The following MME variants were observed in gnomAD, a reference collection of about 807,000 sequenced individuals.
MME encodes neprilysin.
Under a neutral mutation model 113.2 loss-of-function variants are expected in MME, and 98 were observed. The observed-to-expected ratio is 0.87, with a 90% CI of 0.74 to 1.02. The LOEUF (loss-of-function observed/expected upper bound fraction) is 1.02, where lower values mean the gene tolerates loss of function less well. MME is among the 50% of genes least tolerant of loss of function. The pLI is 0.00. For synonymous variants in MME, 292 were observed against 300.6 expected (o/e 0.97, Z 0.30); for missense variants, 836 against 896.0 (o/e 0.93, Z 0.86).
At position 155,118,781 on chromosome 3, in the gene MME, T is replaced by G; in HGVS notation, c.690T>G (p.Asp230Glu). 6.2e-7 allele frequency: 1 copy of G among 1,603,042 alleles called. No individual in the cohort carries two copies. Among genetic ancestry groups the G allele is most frequent in the Non-Finnish European group, 8.5e-7 (1 of 1,171,530 alleles). The change falls in exon 8 of 23, where the codon GAT becomes GAG. Residue 230 changes from aspartate (D) to glutamate (E), a missense_variant. Coordinates refer to ENST00000360490, the MANE Select transcript of MME (RefSeq NM_007289.4). ...CTCGACTTGGCCTCCCTTCTAGAGATTACTATGAATGCACTGGAATCTATA... is the reference window on the plus strand; with the variant it reads ...CTCGACTTGGCCTCCCTTCTAGAGAGTACTATGAATGCACTGGAATCTATA... ...DQPRLGLPSR[D>E]YYECTGIYKE...
intron 22 of MME, among the ~76,000 whole-genome samples, chr3:155,176,820 T>G (rs1469110658): frequency 1.3e-5 from 2 of 152,088 alleles, no homozygotes; most frequent in African/African-American, 4.8e-5. Flanking sequence ...AGCGAGACCC[T>G]GTCTCAGAAA....
intron 8 of MME, among the ~76,000 whole-genome samples, chr3:155,125,370 C>G (rs1358551988): frequency 1.3e-5 from 2 of 148,514 alleles, no homozygotes; most frequent in East Asian, 2.0e-4. Flanking sequence ...GCGGAAATCA[C>G]CCATCTTCTG....
chr3:155,084,413 T>A lies in MME; in HGVS notation c.160+86T>A, dbSNP rs75422171. 551 of 1,395,128 alleles carry A rather than the reference T, an allele frequency of 3.9e-4. 2 individuals carry two copies. The African/African-American group carries it at 5.5e-3, about 14-fold the overall frequency. The allele number at this position is 1,395,128 out of a possible 1,614,324, so 86.4% of individuals were successfully genotyped here. On this transcript the variant is annotated intron_variant, in intron 2 of 22. Coordinates refer to ENST00000360490, the MANE Select transcript of MME (RefSeq NM_007289.4). ...GCTTTTACCATCTATCCAACGAATG[T>A]GTTAAGGATAGAGGCACTTAAAGAC...
At chr3:155,171,489 A>G (rs1711967097) in intron 20 of MME, among the ~76,000 whole-genome samples, 1 of 152,188 alleles carries the variant, frequency 6.6e-6, no homozygotes, top group Admixed American at 6.5e-5. Context: ...TTTTTTCAGT[A>G]GCATAAATCT....
At position 155,138,144 on chromosome 3, in the gene MME, T is replaced by C. The variant is rs141811699; in HGVS notation, c.763T>C (p.Leu255=). Residue 255 remains leucine, a synonymous_variant, in exon 9 of 23, where the codon TTG becomes CTG. Coordinates refer to ENST00000360490, the MANE Select transcript of MME (RefSeq NM_007289.4). ...GGATTTTATGATTTCTGTGGCCAGATTGATTCGTCAGGAAGAAAGATTGCC... is the reference window on the plus strand; with the variant it reads ...GGATTTTATGATTTCTGTGGCCAGACTGATTCGTCAGGAAGAAAGATTGCC... ...YVDFMISVAR[L]IRQEERLPID... is the part of the protein sequence containing the mutation. The C allele has an allele frequency of 5.6e-6, 9 of 1,613,720 alleles. No homozygotes were observed. The African/African-American group carries it at 6.7e-5, about 12-fold the overall frequency.
chr3:155,145,545 C>T (rs1245988359), intron 14 of MME, among the ~76,000 whole-genome samples: 1 of 152,104 alleles, frequency 6.6e-6, no homozygotes, highest in African/African-American at 2.4e-5. Flanking sequence ...ATTATATCCT[C>T]AGCCCTTTAT....
At chr3:155,038,242 G>A (rs1713191120) in intron 1 of MME, among the ~76,000 whole-genome samples, 1 of 152,228 alleles carries the variant, frequency 6.6e-6, no homozygotes, top group South Asian at 2.1e-4. Flanking sequence ...CAAGGTTTTG[G>A]ACAAACATAT....
chr3:155,036,291 T>TA (rs1193093504), intron 1 of MME, among the ~76,000 whole-genome samples: 2 of 152,218 alleles, frequency 1.3e-5, no homozygotes, highest in African/African-American at 4.8e-5. Flanking sequence ...TCACAATCAA[T>TA]AAAATACACC....
At chr3:155,072,154 C>A (rs918711836) in intron 1 of MME, among the ~76,000 whole-genome samples, 33 of 117,670 alleles carry the variant, frequency 2.8e-4, no homozygotes, top group African/African-American at 9.9e-4. Flanking sequence ...GGCGACAGAG[C>A]GAGACTCCGT....
rs61762320 is a variant in MME, at chr3:155,084,263, G to T, written c.96G>T (p.Ser32=). The T allele has an allele frequency of 1.2e-6, 2 of 1,614,102 alleles. No individual in the cohort carries two copies. The highest frequency in any genetic ancestry group is 3.3e-5 in the Admixed American group (2 of 60,016). ...QRWTPLEISL[S]VLVLLLTIIA... ...GGACTCCACTGGAGATCAGCCTCTCGGTCCTTGTCCTGCTCCTCACCATCA... is the reference window on the plus strand; with the variant it reads ...GGACTCCACTGGAGATCAGCCTCTCTGTCCTTGTCCTGCTCCTCACCATCA... Residue 32 remains serine, a synonymous_variant, in exon 2 of 23, where the codon TCG becomes TCT. Coordinates refer to ENST00000360490, the MANE Select transcript of MME (RefSeq NM_007289.4).
At chr3:155,040,633 G>A (rs1411832833) in intron 1 of MME, among the ~76,000 whole-genome samples, 3 of 151,948 alleles carry the variant, frequency 2.0e-5, no homozygotes, top group Non-Finnish European at 4.4e-5. Context: ...TACAGTAGAT[G>A]TAATAAATGT....
intron 16 of MME, among the ~76,000 whole-genome samples, chr3:155,157,521 G>T (rs1417349750): frequency 6.6e-6 from 1 of 152,124 alleles, no homozygotes; most frequent in Non-Finnish European, 1.5e-5. Context: ...CCAACCAAAA[G>T]AACTTACAGT....
At chr3:155,169,857 G>A (rs1436460814) in intron 20 of MME, among the ~76,000 whole-genome samples, 1 of 152,150 alleles carries the variant, frequency 6.6e-6, no homozygotes, top group Non-Finnish European at 1.5e-5. Flanking sequence ...CACCAGAGAA[G>A]TGGAGAAAGA....
At chr3:155,127,071 C>T (rs1719737786) in intron 8 of MME, among the ~76,000 whole-genome samples, 2 of 151,632 alleles carry the variant, frequency 1.3e-5, no homozygotes, top group African/African-American at 4.8e-5. Flanking sequence ...GAACAGTCCT[C>T]ATCAACATGA....
At chr3:155,073,909 C>T (rs1714661753) in intron 1 of MME, among the ~76,000 whole-genome samples, 1 of 152,066 alleles carries the variant, frequency 6.6e-6, no homozygotes. Flanking sequence ...AATCATATTA[C>T]TGTCTTATAA....
upstream of MME, among the ~76,000 whole-genome samples, chr3:155,077,317 C>G (rs574419455): frequency 2.0e-5 from 3 of 152,296 alleles, no homozygotes; most frequent in East Asian, 5.8e-4. Flanking sequence ...AGAACCAATG[C>G]ATTCCATTCT....
chr3:155,116,607 T>C (rs1391148192), intron 5 of MME, 48 bp downstream of exon 5: 4 of 1,443,034 alleles, frequency 2.8e-6, no homozygotes, highest in African/African-American at 1.4e-5. Flanking sequence ...TATATATATA[T>C]TGGTGCCAAA....
At chr3:155,081,722 G>A (rs1715169075) in intron 1 of MME, 1 of 151,542 alleles carries the variant, frequency 6.6e-6, no homozygotes, top group Non-Finnish European at 1.5e-5. Context: ...TTAGTCATAT[G>A]TTCCACAGTG....
intron 16 of MME, among the ~76,000 whole-genome samples, chr3:155,151,518 C>T (rs1330129413): frequency 6.6e-6 from 1 of 152,166 alleles, no homozygotes; most frequent in Admixed American, 6.5e-5. Flanking sequence ...TTGTATTTGA[C>T]TCAGATCCAT....
Sources: gnomAD v4.1 joint callset for allele counts (sites outside exome capture counted in the v4.1 genomes callset) on GRCh38, gnomAD v4.1.1 for gene constraint, MANE v1.5 for transcripts, NCBI Gene and HGNC (gene_info 2026-07-23, HGNC 2026-07-21) for gene names.